Variants in MLLT6 observed in about 807,000 individuals in gnomAD.
MLLT6 encodes the protein MLLT6, PHD finger containing.
A neutral mutation model predicts 103.0 loss-of-function variants in MLLT6; 22 were observed. That is an observed-to-expected ratio of 0.21 (90% CI 0.15 to 0.31). The LOEUF (loss-of-function observed/expected upper bound fraction) is 0.31, where lower values mean the gene tolerates loss of function less well. Among genes scored for constraint, MLLT6 ranks in the 10% least tolerant of loss-of-function variants. The pLI is 1.00. For missense variants in MLLT6, 1,199 were observed against 1,441.7 expected, an observed-to-expected ratio of 0.83 and a Z score of 2.73; for synonymous variants, 606 against 623.5, an observed-to-expected ratio of 0.97 and a Z score of 0.42.
rs1270333482 is a variant in MLLT6 at position 38,716,167 on chromosome 17, C to T, written c.1037-200C>T. On this transcript the variant is annotated intron_variant, in intron 9 of 19. Coordinates refer to ENST00000621332, the MANE Select transcript of MLLT6 (RefSeq NM_005937.4). The surrounding 1 kb of genome is among the most constrained non-coding windows in gnomAD (Gnocchi z 5.6). Reference sequence around the variant, plus strand: ...GGTGAGGCCAGTAGGGTGCGAGTTACTCTCCCCCATTTTATTACAGGTGGG... The same window carrying T: ...GGTGAGGCCAGTAGGGTGCGAGTTATTCTCCCCCATTTTATTACAGGTGGG... 9.7e-6 allele frequency: 6 copies of T among 617,440 alleles called. No individual in the cohort carries two copies. The highest frequency in any genetic ancestry group is 2.8e-5 in the East Asian group (1 of 35,998). The allele number at this position is 617,440 out of a possible 1,614,324, so 38.2% of individuals were successfully genotyped here.
rs1905082362 is a variant in MLLT6 at position 38,709,811 on chromosome 17, C to G, written c.552+236C>G. On this transcript the variant is annotated intron_variant, in intron 6 of 19. Transcript: ENST00000621332. The surrounding 1 kb of genome is among the most constrained non-coding windows in gnomAD (Gnocchi z 4.3). Reference sequence around the variant, plus strand: ...AAGACAAAGCTCAGACCCTGCCTGTCAGAGTCTAGGAGGCTTCAAGGAAGA... The same window carrying G: ...AAGACAAAGCTCAGACCCTGCCTGTGAGAGTCTAGGAGGCTTCAAGGAAGA... Among the ~76,000 whole-genome samples the G allele has an allele frequency of 6.6e-6, 1 of 152,232 alleles. No homozygotes were observed. The highest frequency in any genetic ancestry group is 2.4e-5 in the African/African-American group (1 of 41,460).
At chr17:38,719,644 GGA>G (rs749485099) in intron 13 of MLLT6, 61 bp downstream of exon 13, 16 of 1,569,490 alleles carry the variant, frequency 1.0e-5, no homozygotes, top group Non-Finnish European at 1.1e-5. Flanking sequence ...GAGGGAGGAG[GGA>G]CGGAGAGACC....
At position 38,712,025 on chromosome 17, in the gene MLLT6, T is replaced by C. The variant is rs776579306; in HGVS notation, c.720+11T>C. On this transcript the variant is annotated intron_variant, in intron 7 of 19. Transcript: ENST00000621332. ...AGGGGCCAGAAGAAGGTAGAAGTCC[T>C]CCCCCACCTGCCATCACTCCCACAC... The C allele has an allele frequency of 6.5e-7, 1 of 1,534,472 alleles. No individual in the cohort carries two copies. Among genetic ancestry groups the C allele is most frequent in the Non-Finnish European group, 8.8e-7 (1 of 1,138,686 alleles).
rs1372596484 is a variant in MLLT6 at position 38,726,506 on chromosome 17, T to A, written c.*908T>A. 2 of 233,632 alleles carry A rather than the reference T, an allele frequency of 8.6e-6. No individual in the cohort carries two copies. Among genetic ancestry groups the A allele is most frequent in the Non-Finnish European group, 1.7e-5 (2 of 118,114 alleles). 14.5% of individuals were successfully genotyped at this position (233,632 alleles called of 1,614,324 possible). Reference sequence around the variant, plus strand: ...CAGAGAGGGGACCTCCCAGCTCTTATTTGCACCCTCCCCACCTCACCAACT... The same window carrying A: ...CAGAGAGGGGACCTCCCAGCTCTTAATTGCACCCTCCCCACCTCACCAACT... On this transcript the variant is annotated 3_prime_UTR_variant, in exon 20 of 20. Transcript: ENST00000621332.
Position 38,717,552 on chromosome 17 carries a change from T to C in MLLT6, c.1772T>C (p.Leu591Pro). 1 of 1,613,726 alleles carries C rather than the reference T, an allele frequency of 6.2e-7. No individual in the cohort carries two copies. The highest frequency in any genetic ancestry group is 8.5e-7 in the Non-Finnish European group (1 of 1,179,912). The stretch of plus-strand genomic sequence containing the variant: ...CCAGGGACCTCGGCCCTGCCCCGCC[T>C]CAGCCGCTCCCCGTTCACCAGCACC... ...GPPGTSALPR[L>P]SRSPFTSTLP... The change falls in exon 11 of 20, where the codon CTC becomes CCC. Residue 591 changes from leucine to proline, a missense_variant. Coordinates refer to ENST00000621332, the MANE Select transcript of MLLT6 (RefSeq NM_005937.4).
At chr17:38,710,480 G>A (rs561744222) in intron 6 of MLLT6, among the ~76,000 whole-genome samples, 2 of 152,254 alleles carry the variant, frequency 1.3e-5, no homozygotes, top group East Asian at 3.9e-4. Flanking sequence ...CCGCTGTGAG[G>A]CTAGATCAGA....
Position 38,712,693 on chromosome 17 carries a change from T to G in MLLT6, c.723T>G (p.Ser241Arg). ...PTHHERGQKK[S>R]RKDKERLKQK... ...TCTAGTCACCTCTCCCTCTCCAGAG[T>G]CGAAAGGACAAAGAACGCCTTAAGC... Residue 241 changes from serine to arginine, a missense_variant and splice_region_variant, in exon 8 of 20, where the codon AGT (serine) becomes AGG (arginine). This residue lies in a region of MLLT6 where 1,034 missense variants were observed against 1,091.5 expected (regional missense o/e 0.95). Transcript: ENST00000621332. 6.2e-7 allele frequency: 1 copy of G among 1,611,746 alleles called. No individual in the cohort carries two copies.
Position 38,716,663 on chromosome 17 carries a change from A to T in MLLT6, c.1333A>T (p.Met445Leu), listed in dbSNP as rs1905359320. 1 of 1,613,444 alleles carries T rather than the reference A, an allele frequency of 6.2e-7. No individual in the cohort carries two copies. The highest frequency in any genetic ancestry group is 8.5e-7 in the Non-Finnish European group (1 of 1,179,860). The change falls in exon 10 of 20, where the codon ATG (methionine) becomes TTG (leucine). Residue 445 changes from methionine (M) to leucine (L), a missense_variant. By Grantham distance (15) the Met-to-Leu change is conservative. Transcript: ENST00000621332. The surrounding 1 kb of genome is among the most constrained non-coding windows in gnomAD (Gnocchi z 5.6). ...GGCCTCGGCAGGCACCCACAAACGG[A>T]TGCCCGCACTGAGTGCCACCCCTGT... ...SGASAGTHKRMPALSATPVPA... is the reference protein window; with the variant it reads ...SGASAGTHKRLPALSATPVPA...
intron 18 of MLLT6, among the ~76,000 whole-genome samples, chr17:38,723,893 C>T (rs1275680373): frequency 6.6e-6 from 1 of 151,728 alleles, no homozygotes; most frequent in Non-Finnish European, 1.5e-5. Flanking sequence ...CAGGTGCATG[C>T]CACCATGCCC....
rs952245470 is a variant in MLLT6, at chr17:38,727,506, G to A, written c.*1908G>A. ...ACTCCCTGCCCCAAACCACTGAAAA[G>A]AAAAGTAACCTTCAGGCCAGGCGCG... is the stretch of plus-strand genomic sequence containing the variant. On this transcript the variant is annotated 3_prime_UTR_variant, in exon 20 of 20. Transcript: ENST00000621332. 1 of 213,126 alleles carries A rather than the reference G, an allele frequency of 4.7e-6. No individual in the cohort carries two copies. Among genetic ancestry groups the A allele is most frequent in the Non-Finnish European group, 9.5e-6 (1 of 105,290 alleles). The allele number at this position is 213,126 out of a possible 1,614,324, so 13.2% of individuals were successfully genotyped here. A position where few individuals can be genotyped will look rare whatever the true frequency, so the allele number is the denominator to read the frequency against.
At chr17:38,725,524 C>A in intron 19 of MLLT6, 33 bp from the exon 20 acceptor site, 1 of 1,604,364 alleles carries the variant, frequency 6.2e-7, no homozygotes. Flanking sequence ...CTGACACTTT[C>A]CACACCCCCG....
chr17:38,725,625 C>G lies in MLLT6; in HGVS notation c.*27C>G, dbSNP rs372225607. On this transcript the variant is annotated 3_prime_UTR_variant, in exon 20 of 20. Transcript: ENST00000621332. ...TCCACCCTTACCCCTCCTGACCCCC[C>G]CAAGTGGAGGGAACAGATCCTGGCC... The G allele has an allele frequency of 7.7e-6, 12 of 1,563,350 alleles. No individual in the cohort carries two copies. Among genetic ancestry groups the G allele is most frequent in the East Asian group, 2.4e-5 (1 of 42,388 alleles).
chr17:38,715,937 T>C (rs770186170), intron 9 of MLLT6, 109 bp downstream of exon 9: 1 of 986,574 alleles, frequency 1.0e-6, no homozygotes, highest in Non-Finnish European at 1.5e-6. Context: ...TACTTCTCCA[T>C]TGGTTCAGGA....
Position 38,709,235 on chromosome 17 carries a change from C to T in MLLT6, c.417C>T (p.Thr139=). The change falls in exon 5 of 20, where the codon ACC becomes ACT. Residue 139 remains threonine, a synonymous_variant. Transcript: ENST00000621332. The surrounding 1 kb of genome is among the most constrained non-coding windows in gnomAD (Gnocchi z 4.3). ...ESKAASGACM[T]CNRHGCRQAF... ...AGGCGGCCTCGGGAGCCTGCATGACCTGTAACCGCCATGGATGTCGACAAG... is the reference window on the plus strand; with the variant it reads ...AGGCGGCCTCGGGAGCCTGCATGACTTGTAACCGCCATGGATGTCGACAAG... The T allele has an allele frequency of 6.2e-7, 1 of 1,613,682 alleles. No homozygotes were observed. Among genetic ancestry groups the T allele is most frequent in the Non-Finnish European group, 8.5e-7 (1 of 1,179,802 alleles).
chr17:38,719,646 A>G lies in MLLT6; in HGVS notation c.2009+63A>G, dbSNP rs368923068. The G allele has an allele frequency of 6.1e-4, 963 of 1,569,744 alleles. 1 individual carries two copies. The highest frequency in any genetic ancestry group is 7.8e-4 in the Non-Finnish European group (901 of 1,154,958). On this transcript the variant is annotated intron_variant, in intron 13 of 19. Transcript: ENST00000621332. ...AGGAGGGACACCCGAGGGAGGAGGG[A>G]CGGAGAGACCGGCGTGGGCTGGAAC...
chr17:38,722,633 A>AGGGGGGGGGGGGG, intron 17 of MLLT6, 45 bp from the exon 18 acceptor site: 1 of 377,884 alleles, frequency 2.6e-6, no homozygotes. Flanking sequence ...GCCCTCCCCC[A>AGGGGGGGGGGGGG]TGGTCTGTGT....
At chr17:38,723,029 G>A (rs1299217301) in intron 18 of MLLT6, among the ~76,000 whole-genome samples, 5 of 152,068 alleles carry the variant, frequency 3.3e-5, no homozygotes, top group Non-Finnish European at 2.9e-5. Context: ...GACTCTGGAG[G>A]GCAGCAAGTC....
rs745941796 is a variant in MLLT6 at position 38,712,777 on chromosome 17, C to T, written c.807C>T (p.Pro269=). The T allele has an allele frequency of 6.8e-6, 11 of 1,612,608 alleles. No homozygotes were observed. In the Admixed American group the frequency reaches 1.8e-4, roughly 27 times the overall value. ...PPSILTPPVV[P]TADKVSSSAS... The stretch of plus-strand genomic sequence containing the variant: ...GCATCCTCACCCCGCCCGTGGTCCC[C>T]ACTGCTGACAAGGTACTGCTGCCCA... Residue 269 remains proline (P), a synonymous_variant, in exon 8 of 20, where the codon CCC becomes CCT. Coordinates refer to ENST00000621332, the MANE Select transcript of MLLT6 (RefSeq NM_005937.4).
intron 7 of MLLT6, 26 bp from the exon 8 acceptor site, chr17:38,712,665 A>G: frequency 1.3e-6 from 2 of 1,514,736 alleles, no homozygotes; most frequent in Non-Finnish European, 1.8e-6. Flanking sequence ...CCCCAGCACA[A>G]TATCTAGTCA....
Sources: gnomAD v4.1 joint callset for allele counts (sites outside exome capture counted in the v4.1 genomes callset) on GRCh38, gnomAD v4.1.1 for gene constraint, gnomAD v4.1.1 regional missense constraint, Gnocchi (gnomAD v3.1) non-coding constraint, MANE v1.5 for transcripts, NCBI Gene and HGNC (gene_info 2026-07-23, HGNC 2026-07-21) for gene names.